Variants in PDP2 observed in about 807,000 individuals in gnomAD.
PDP2 encodes [Pyruvate dehydrogenase [acetyl-transferring]]-phosphatase 2, mitochondrial.
In PDP2, 23 loss-of-function variants were observed where a neutral mutation model predicts 34.2. The ratio of observed to expected loss-of-function variants is 0.67; its 90% CI spans 0.48 to 0.95. PDP2 has a LOEUF of 0.95. Ranked by LOEUF, PDP2 falls within the 40% of genes least tolerant of loss-of-function variation. The probability of loss-of-function intolerance (pLI) is 0.00; values close to 1 mark genes in which losing one functional copy is unlikely to be tolerated. For missense variants in PDP2, 571 were observed against 659.6 expected, an observed-to-expected ratio of 0.87 and a Z score of 1.47; for synonymous variants, 275 against 269.2, an observed-to-expected ratio of 1.02 and a Z score of -0.21.
In PDP2 at chr16:66,886,735, T is replaced by C. The variant is rs1038801182; in HGVS notation, c.*861T>C. 2 of 254,208 alleles carry C rather than the reference T, an allele frequency of 7.9e-6. No individual in the cohort carries two copies. The highest frequency in any genetic ancestry group is 2.2e-5 in the African/African-American group (1 of 45,182). The allele number at this position is 254,208 out of a possible 1,614,324, so 15.7% of individuals were successfully genotyped here. On this transcript the variant is annotated 3_prime_UTR_variant, in exon 2 of 2. Coordinates refer to ENST00000311765, the MANE Select transcript of PDP2 (RefSeq NM_020786.4). ...CCTTTGGGGGTTGATTCACAGCATTTAAGCTTTCTGATTATACCTCTCAAA... is the reference window on the plus strand; with the variant it reads ...CCTTTGGGGGTTGATTCACAGCATTCAAGCTTTCTGATTATACCTCTCAAA...
chr16:66,883,570 C>A (rs1961604486), intron 1 of PDP2, among the ~76,000 whole-genome samples: 3 of 152,134 alleles, frequency 2.0e-5, no homozygotes, highest in Non-Finnish European at 4.4e-5. Context: ...TCCCAAGTAG[C>A]TGTGACTATA....
In PDP2 at chr16:66,887,644, A is replaced by T. The variant is rs920141076; in HGVS notation, c.*1770A>T. 3.6e-5 allele frequency: 6 copies of T among 167,038 alleles called. No individual in the cohort carries two copies. Among genetic ancestry groups the T allele is most frequent in the African/African-American group, 1.4e-4 (6 of 41,422 alleles). The allele number at this position is 167,038 out of a possible 1,614,324, so 10.3% of individuals were successfully genotyped here. On this transcript the variant is annotated 3_prime_UTR_variant, in exon 2 of 2. Coordinates refer to ENST00000311765, the MANE Select transcript of PDP2 (RefSeq NM_020786.4). ...TGAATATTTAAGCCTTGATCCTTTTATTCTGAAACCATTAATATTCCTTCT... is the reference window on the plus strand; with the variant it reads ...TGAATATTTAAGCCTTGATCCTTTTTTTCTGAAACCATTAATATTCCTTCT...
At position 66,885,547 on chromosome 16, in the gene PDP2, G is replaced by A. The variant is rs1961721764; in HGVS notation, c.1263G>A (p.Glu421=). Residue 421 remains glutamate (E), a synonymous_variant, in exon 2 of 2, where the codon GAG becomes GAA. Transcript: ENST00000311765. The surrounding 1 kb of genome is among the most constrained non-coding windows in gnomAD (Gnocchi z 4.6). ...GCCTGTGGGACATGCTGAGCAATGA[G>A]GACGTGGTAAGGCTGGTGGTGGGGC... ...SDGLWDMLSN[E]DVVRLVVGHL... is the part of the protein sequence containing the mutation. 6.2e-7 allele frequency: 1 copy of A among 1,614,112 alleles called. No individual in the cohort carries two copies. Among genetic ancestry groups the A allele is most frequent in the Non-Finnish European group, 8.5e-7 (1 of 1,180,040 alleles).
Position 66,886,026 on chromosome 16 carries a change from G to T in PDP2, c.*152G>T. 1 of 737,506 alleles carries T rather than the reference G, an allele frequency of 1.4e-6. No individual in the cohort carries two copies. The highest frequency in any genetic ancestry group is 2.2e-6 in the Non-Finnish European group (1 of 447,012). The allele number at this position is 737,506 out of a possible 1,614,324, so 45.7% of individuals were successfully genotyped here. On this transcript the variant is annotated 3_prime_UTR_variant, in exon 2 of 2. Transcript: ENST00000311765. ...CAGGAGGAAAAAAACAAACAGCCTA[G>T]CTTTAAAAAACAGTGAAATAGCAGT...
intron 1 of PDP2, among the ~76,000 whole-genome samples, chr16:66,882,358 G>A (rs987989988): frequency 6.6e-6 from 1 of 151,986 alleles, no homozygotes; most frequent in African/African-American, 2.4e-5. Context: ...ATCCCTTGAG[G>A]CCAGAAGGGC....
Position 66,884,606 on chromosome 16 carries a change from C to T in PDP2, c.322C>T (p.Arg108Trp), listed in dbSNP as rs753683106. Residue 108 changes from arginine to tryptophan, a missense_variant, in exon 2 of 2, where the codon CGG (arginine) becomes TGG (tryptophan). Arg to Trp is a moderately radical substitution (Grantham distance 101). Coordinates refer to ENST00000311765, the MANE Select transcript of PDP2 (RefSeq NM_020786.4). ...AAGCAGAGTCCCAAATTCAGTGTTG[C>T]GGTTTGAGAGCAACCAGCTGGCTGC... ...LESRVPNSVL[R>W]FESNQLAANS... The T allele has an allele frequency of 1.4e-5, 22 of 1,614,082 alleles. No homozygotes were observed. Among genetic ancestry groups the T allele is most frequent in the South Asian group, 7.7e-5 (7 of 91,094 alleles).
rs1303122590 is a variant in PDP2 at position 66,890,318 on chromosome 16, G to A, written c.*4444G>A. On this transcript the variant is annotated 3_prime_UTR_variant, in exon 2 of 2. Coordinates refer to ENST00000311765, the MANE Select transcript of PDP2 (RefSeq NM_020786.4). ...ACAAAAAACAAACTCAAATTAGCATGATAGATCAGGCTACTTAGATTCAGC... is the reference window on the plus strand; with the variant it reads ...ACAAAAAACAAACTCAAATTAGCATAATAGATCAGGCTACTTAGATTCAGC... The A allele has an allele frequency of 6.6e-6, 1 of 152,128 alleles. No homozygotes were observed. Among genetic ancestry groups the A allele is most frequent in the African/African-American group, 2.4e-5 (1 of 41,422 alleles). The allele number at this position is 152,128 out of a possible 1,614,324, so 9.4% of individuals were successfully genotyped here.
intron 1 of PDP2, among the ~76,000 whole-genome samples, chr16:66,882,419 A>G (rs1295698710): frequency 6.6e-6 from 1 of 152,052 alleles, no homozygotes; most frequent in Non-Finnish European, 1.5e-5. Flanking sequence ...CTGGGGACAG[A>G]GCCAGGCTCC....
In PDP2 at chr16:66,884,615, A is replaced by G; in HGVS notation, c.331A>G (p.Ser111Gly). ...CCCAAATTCAGTGTTGCGGTTTGAG[A>G]GCAACCAGCTGGCTGCCAATTCCCC... ...RVPNSVLRFE[S>G]NQLAANSPVE... The change falls in exon 2 of 2, where the codon AGC (serine) becomes GGC (glycine). Residue 111 changes from serine (S) to glycine (G), a missense_variant. Coordinates refer to ENST00000311765, the MANE Select transcript of PDP2 (RefSeq NM_020786.4). The G allele has an allele frequency of 1.2e-6, 2 of 1,614,218 alleles. No homozygotes were observed. The highest frequency in any genetic ancestry group is 1.7e-6 in the Non-Finnish European group (2 of 1,180,044).
At position 66,885,428 on chromosome 16, in the gene PDP2, C is replaced by T. The variant is rs925632608; in HGVS notation, c.1144C>T (p.His382Tyr). Residue 382 changes from histidine (H) to tyrosine (Y), a missense_variant, in exon 2 of 2, where the codon CAC becomes TAC. His to Tyr is a moderately conservative substitution (Grantham distance 83). Around this residue, in one of 2 missense-constraint regions of PDP2, gnomAD observed 281 missense variants for 375.8 expected, o/e 0.75. Coordinates refer to ENST00000311765, the MANE Select transcript of PDP2 (RefSeq NM_020786.4). The surrounding 1 kb of genome is among the most constrained non-coding windows in gnomAD (Gnocchi z 4.6). ...CAACATTTACCAGTTCACACCCCCA[C>T]ACTACTACACTCCACCCTACCTGAC... is the stretch of plus-strand genomic sequence containing the variant. ...ALNIYQFTPP[H>Y]YYTPPYLTAE... 1.2e-6 allele frequency: 2 copies of T among 1,613,880 alleles called. No individual in the cohort carries two copies. The highest frequency in any genetic ancestry group is 1.3e-5 in the African/African-American group (1 of 75,044).
In PDP2 at chr16:66,884,491, G is replaced by A. The variant is rs1317693051; in HGVS notation, c.207G>A (p.Glu69=). The change falls in exon 2 of 2, where the codon GAG becomes GAA. Residue 69 remains glutamate, a synonymous_variant. Transcript: ENST00000311765. The part of the protein sequence containing the change: ...LCKAYRHTST[E]EDDFHLQLSP... Reference sequence around the variant, plus strand: ...AAGCCTACAGACACACATCAACAGAGGAAGATGATTTTCACTTGCAACTCA... The same window carrying A: ...AAGCCTACAGACACACATCAACAGAAGAAGATGATTTTCACTTGCAACTCA... 7 of 1,614,034 alleles carry A rather than the reference G, an allele frequency of 4.3e-6. No individual in the cohort carries two copies. The highest frequency in any genetic ancestry group is 5.9e-6 in the Non-Finnish European group (7 of 1,180,022).
In PDP2 at chr16:66,885,258, C is replaced by A; in HGVS notation, c.974C>A (p.Pro325His). The change falls in exon 2 of 2, where the codon CCT (proline) becomes CAT (histidine). Residue 325 changes from proline to histidine, a missense_variant. Around this residue, in one of 2 missense-constraint regions of PDP2, gnomAD observed 281 missense variants for 375.8 expected, o/e 0.75. Coordinates refer to ENST00000311765, the MANE Select transcript of PDP2 (RefSeq NM_020786.4). The surrounding 1 kb of genome is among the most constrained non-coding windows in gnomAD (Gnocchi z 4.6). ...CTGTCCCGGCTAAAGAGGGAGCACC[C>A]TGAGTCAGAGGACAGGACGATCATC... ...AELSRLKREHPESEDRTIIME... is the reference protein window; with the variant it reads ...AELSRLKREHHESEDRTIIME... 1 of 1,614,172 alleles carries A rather than the reference C, an allele frequency of 6.2e-7. No homozygotes were observed.
In PDP2 at chr16:66,885,701, C is replaced by T. The variant is rs141108875; in HGVS notation, c.1417C>T (p.Arg473Trp). 577 of 1,613,994 alleles carry T rather than the reference C, an allele frequency of 3.6e-4. 1 individual carries two copies. The highest frequency in any genetic ancestry group is 3.5e-3 in the East Asian group (157 of 44,884). Residue 473 changes from arginine to tryptophan, a missense_variant, in exon 2 of 2, where the codon CGG becomes TGG. This residue lies in a region of PDP2 where 281 missense variants were observed against 375.8 expected (regional missense o/e 0.75). Transcript: ENST00000311765. This position sits in a 1 kb window ranked among gnomAD's most constrained non-coding sequence, Gnocchi z 4.6. ...CGAGGCTGACCAAAATGCAGCCACGCGGCTGATCAGACATGCCATCGGGAA... is the reference window on the plus strand; with the variant it reads ...CGAGGCTGACCAAAATGCAGCCACGTGGCTGATCAGACATGCCATCGGGAA... ...LHEADQNAAT[R>W]LIRHAIGNNE...
In PDP2 at chr16:66,889,831, A is replaced by G. The variant is rs1435461260; in HGVS notation, c.*3957A>G. On this transcript the variant is annotated 3_prime_UTR_variant, in exon 2 of 2. Coordinates refer to ENST00000311765, the MANE Select transcript of PDP2 (RefSeq NM_020786.4). ...AAAAAAAAATAGCCAGGTGTGGCAC[A>G]TGCCTGTAGTCTCAGCTGCTTGGAA... The G allele has an allele frequency of 6.6e-6, 1 of 151,390 alleles. No homozygotes were observed. The highest frequency in any genetic ancestry group is 1.5e-5 in the Non-Finnish European group (1 of 67,918). 9.4% of individuals were successfully genotyped at this position (151,390 alleles called of 1,614,324 possible). A position where few individuals can be genotyped will look rare whatever the true frequency, so the allele number is the denominator to read the frequency against.
rs1203386665 is a variant in PDP2, at chr16:66,891,091, A to G, written c.*5217A>G. On this transcript the variant is annotated 3_prime_UTR_variant, in exon 2 of 2. Transcript: ENST00000311765. ...ATATTTAATTAAAACTTGGAAATGA[A>G]AGAAACAAAATGAAATTTAGTTTCT... 1 of 152,226 alleles carries G rather than the reference A, an allele frequency of 6.6e-6. No homozygotes were observed. The highest frequency in any genetic ancestry group is 1.9e-4 in the East Asian group (1 of 5,204). The allele number at this position is 152,226 out of a possible 1,614,324, so 9.4% of individuals were successfully genotyped here. A position where few individuals can be genotyped will look rare whatever the true frequency, so the allele number is the denominator to read the frequency against.
chr16:66,882,181 A>G (rs543385458), intron 1 of PDP2, among the ~76,000 whole-genome samples: 32 of 152,334 alleles, frequency 2.1e-4, no homozygotes, highest in South Asian at 1.9e-3. Context: ...GACTGTGCGC[A>G]GTAGCTCCCA....
At position 66,884,852 on chromosome 16, in the gene PDP2, C is replaced by T. The variant is rs2145415638; in HGVS notation, c.568C>T (p.Leu190Phe). 6.2e-7 allele frequency: 1 copy of T among 1,614,028 alleles called. No homozygotes were observed. Among genetic ancestry groups the T allele is most frequent in the Non-Finnish European group, 8.5e-7 (1 of 1,179,956 alleles). ...ACCCTTGCTGCCCATCCTGCATTGG[C>T]TCAAGCACCCAGGGGACAGTATCTA... is the stretch of plus-strand genomic sequence containing the variant. The part of the protein sequence containing the change: ...MKPLLPILHW[L>F]KHPGDSIYKD... The change falls in exon 2 of 2, where the codon CTC (leucine) becomes TTC (phenylalanine). Residue 190 changes from leucine to phenylalanine, a missense_variant. Leu to Phe is a conservative substitution (Grantham distance 22). Coordinates refer to ENST00000311765, the MANE Select transcript of PDP2 (RefSeq NM_020786.4).
At position 66,884,866 on chromosome 16, in the gene PDP2, G is replaced by A; in HGVS notation, c.582G>A (p.Gly194=). The change falls in exon 2 of 2, where the codon GGG becomes GGA. Residue 194 remains glycine, a synonymous_variant. Transcript: ENST00000311765. The part of the protein sequence containing the change: ...LPILHWLKHP[G]DSIYKDVTSV... ...TCCTGCATTGGCTCAAGCACCCAGG[G>A]GACAGTATCTACAAGGATGTCACAT... 4 of 1,613,986 alleles carry A rather than the reference G, an allele frequency of 2.5e-6. No individual in the cohort carries two copies. The highest frequency in any genetic ancestry group is 1.6e-4 in the Middle Eastern group (1 of 6,062).
In PDP2 at chr16:66,884,668, C is replaced by T; in HGVS notation, c.384C>T (p.Ser128=). The part of the protein sequence containing the change: ...SPVEDRRGVA[S]CLQTNGLMFG... ...TGGAGGACCGGCGAGGTGTAGCCTC[C>T]TGCCTGCAAACCAATGGACTGATGT... is the stretch of plus-strand genomic sequence containing the variant. The change falls in exon 2 of 2, where the codon TCC becomes TCT. Residue 128 remains serine (S), a synonymous_variant. Transcript: ENST00000311765. The T allele has an allele frequency of 6.2e-7, 1 of 1,614,236 alleles. No homozygotes were observed. Among genetic ancestry groups the T allele is most frequent in the Non-Finnish European group, 8.5e-7 (1 of 1,180,046 alleles).
Sources: allele counts gnomAD v4.1 joint callset (sites outside exome capture counted in the v4.1 genomes callset), GRCh38; gene constraint gnomAD v4.1.1; regional missense constraint gnomAD v4.1.1; non-coding constraint Gnocchi (gnomAD v3.1); transcripts MANE v1.5; gene names NCBI Gene and HGNC (gene_info 2026-07-23, HGNC 2026-07-21).